Variants in NAALADL2 observed in about 807,000 individuals in gnomAD.
NAALADL2 encodes the protein N-acetylated alpha-linked acidic dipeptidase like 2.
A neutral mutation model predicts 87.2 loss-of-function variants in NAALADL2; 76 were observed. The ratio of observed to expected loss-of-function variants is 0.87; its 90% CI spans 0.72 to 1.05. NAALADL2 has a LOEUF of 1.05. NAALADL2 is among the 50% of genes least tolerant of loss of function. The pLI is 0.00. For synonymous variants in NAALADL2, 354 were observed against 331.0 expected (o/e 1.07, Z -0.75); for missense variants, 1,089 against 945.8 (o/e 1.15, Z -1.99).
chr3:174,612,607 A>T (rs1483635115), intron 2 of NAALADL2, among the ~76,000 whole-genome samples: 1 of 151,976 alleles, frequency 6.6e-6, no homozygotes, highest in Admixed American at 6.6e-5. Context: ...TTTGAATTGC[A>T]TTTTTAGCTC....
chr3:174,981,669 T>C (rs770605153), intron 1 of NAALADL2, among the ~76,000 whole-genome samples: 8 of 152,208 alleles, frequency 5.3e-5, no homozygotes, highest in Non-Finnish European at 7.3e-5. Flanking sequence ...CTTCGGATCA[T>C]GATAAAAAAA....
At chr3:175,450,201 C>A (rs1721359310) in intron 6 of NAALADL2, among the ~76,000 whole-genome samples, 2 of 151,792 alleles carry the variant, frequency 1.3e-5, no homozygotes, top group Non-Finnish European at 1.5e-5. Context: ...CTCATAGATA[C>A]TATAAAATGC....
At chr3:174,554,967 T>A (rs939077452) in intron 2 of NAALADL2, among the ~76,000 whole-genome samples, 1 of 152,196 alleles carries the variant, frequency 6.6e-6, no homozygotes, top group Non-Finnish European at 1.5e-5. Context: ...CTTCACATAG[T>A]GGAAGGGGCA....
In NAALADL2 at chr3:174,524,398, A is replaced by C. The variant is rs548857698; in HGVS notation, c.-183-26171A>C. On this transcript the variant is annotated intron_variant, in intron 1 of 3. Coordinates refer to the NAALADL2 transcript ENST00000434257. ...ATGTTCAGCCTGTCCTAGTCCTGTA[A>C]GGCTTGCCCAGGCTTGAAGGTATCT... 4.6e-5 allele frequency among the ~76,000 whole-genome samples: 7 copies of C among 152,302 alleles called. No homozygotes were observed. The South Asian group carries it at 1.0e-3, about 23-fold the overall frequency.
chr3:175,722,494 T>A (rs1395465995), intron 11 of NAALADL2, among the ~76,000 whole-genome samples: 2 of 152,144 alleles, frequency 1.3e-5, no homozygotes, highest in Non-Finnish European at 2.9e-5. Flanking sequence ...ATAAGTTGAA[T>A]AAATGGGCAC....
chr3:174,466,806 T>G (rs1716559292), intron 1 of NAALADL2, among the ~76,000 whole-genome samples: 1 of 152,256 alleles, frequency 6.6e-6, no homozygotes, highest in Admixed American at 6.5e-5. Context: ...TAAAGAGAGA[T>G]CAGGTTTCAT....
chr3:175,149,073 A>G (rs1238900228), intron 2 of NAALADL2, among the ~76,000 whole-genome samples: 1 of 152,144 alleles, frequency 6.6e-6, no homozygotes, highest in Admixed American at 6.6e-5. Context: ...GATTTTTCCT[A>G]TGCATGAGCC....
At position 174,684,418 on chromosome 3, in the gene NAALADL2, A is replaced by G. The variant is rs185874900; in HGVS notation, c.-114-53223A>G. ...CCATTTATTCATTGAAATTATTCCC[A>G]TAAGTGTCTGTTAACCTCTTTACAA... On this transcript the variant is annotated intron_variant, in intron 2 of 3. Coordinates refer to the NAALADL2 transcript ENST00000434257. 8.5e-3 allele frequency among the ~76,000 whole-genome samples: 1,291 copies of G among 152,254 alleles called. 22 individuals are homozygous for G. The highest frequency in any genetic ancestry group is 0.03 in the African/African-American group (1,237 of 41,562).
intron 5 of NAALADL2, among the ~76,000 whole-genome samples, chr3:175,388,073 A>G (rs1027378447): frequency 2.0e-5 from 3 of 152,180 alleles, no homozygotes; most frequent in Non-Finnish European, 4.4e-5. Context: ...GACTTTCCAT[A>G]GCTGTAACCA....
intron 1 of NAALADL2, among the ~76,000 whole-genome samples, chr3:174,947,852 TGC>T: frequency 6.6e-6 from 1 of 152,268 alleles, no homozygotes; most frequent in Admixed American, 6.5e-5. Flanking sequence ...TTCAAAGACT[TGC>T]ACTGAGCTTT....
chr3:174,814,083 A>C lies in NAALADL2; in HGVS notation c.-9+76337A>C, dbSNP rs967957405. On this transcript the variant is annotated intron_variant, in intron 3 of 3. Transcript: ENST00000434257. Reference sequence around the variant, plus strand: ...GGTGTGACAACTGTCTGTTTAGGTAAATATTTTATTTTTATTTATTTATTT... The same window carrying C: ...GGTGTGACAACTGTCTGTTTAGGTACATATTTTATTTTTATTTATTTATTT... Among the ~76,000 whole-genome samples, 10 of 151,488 alleles carry C rather than the reference A, an allele frequency of 6.6e-5. No individual in the cohort carries two copies. The East Asian group carries it at 2.0e-3, about 30-fold the overall frequency.
chr3:175,320,080 A>G (rs1759653655), intron 4 of NAALADL2, among the ~76,000 whole-genome samples: 2 of 152,200 alleles, frequency 1.3e-5, no homozygotes, highest in Admixed American at 1.3e-4. Flanking sequence ...TATATTGAAT[A>G]TGACCTTCAG....
At chr3:174,658,882 T>G (rs558268496) in intron 2 of NAALADL2, among the ~76,000 whole-genome samples, 5 of 152,312 alleles carry the variant, frequency 3.3e-5, no homozygotes, top group South Asian at 2.1e-4. Context: ...ATAACAAATA[T>G]GTATAATGCA....
intron 9 of NAALADL2, among the ~76,000 whole-genome samples, chr3:175,506,508 G>GA (rs1325877909): frequency 1.3e-5 from 2 of 152,158 alleles, no homozygotes; most frequent in Admixed American, 6.5e-5. Flanking sequence ...CACTTGCTGT[G>GA]AAAAATCATA....
chr3:175,714,792 T>C (rs2150011666), intron 11 of NAALADL2, among the ~76,000 whole-genome samples: 1 of 152,160 alleles, frequency 6.6e-6, no homozygotes, highest in South Asian at 2.1e-4. Flanking sequence ...TTTTAGTCCC[T>C]ATTTAATCAA....
intron 5 of NAALADL2, among the ~76,000 whole-genome samples, chr3:175,366,558 G>T (rs1043786735): frequency 1.3e-5 from 2 of 151,772 alleles, no homozygotes; most frequent in Admixed American, 1.3e-4. Context: ...ATTCTAACTG[G>T]TGTGAGATGG....
chr3:174,769,680 A>G (rs1007021001), intron 3 of NAALADL2, among the ~76,000 whole-genome samples: 2 of 106,188 alleles, frequency 1.9e-5, no homozygotes, highest in African/African-American at 3.2e-5. Context: ...GGAAATTTCT[A>G]TATTCTGTTT....
chr3:175,286,370 C>G (rs1754978894), intron 4 of NAALADL2, among the ~76,000 whole-genome samples: 1 of 152,146 alleles, frequency 6.6e-6, no homozygotes, highest in Non-Finnish European at 1.5e-5. Context: ...GGGCAGAAAG[C>G]TGTAACTTCA....
At chr3:174,462,767 C>T (rs1716289822) in intron 1 of NAALADL2, among the ~76,000 whole-genome samples, 1 of 152,038 alleles carries the variant, frequency 6.6e-6, no homozygotes, top group East Asian at 1.9e-4. Context: ...CTAAAGTAAG[C>T]CAATTCATGT....
Sources: allele counts gnomAD v4.1 joint callset (sites outside exome capture counted in the v4.1 genomes callset), GRCh38; gene constraint gnomAD v4.1.1; transcripts MANE v1.5; gene names NCBI Gene and HGNC (gene_info 2026-07-23, HGNC 2026-07-21).